The following GFPT2 variants were observed in gnomAD, a reference collection of about 807,000 sequenced individuals.
GFPT2 encodes the protein glutamine--fructose-6-phosphate transaminase 2.
A neutral mutation model predicts 85.6 loss-of-function variants in GFPT2; 62 were observed. That is an observed-to-expected ratio of 0.72 (90% CI 0.59 to 0.90). The LOEUF is 0.90. Ranked by LOEUF, GFPT2 falls within the 40% of genes least tolerant of loss-of-function variation. The pLI, the probability that GFPT2 is intolerant of heterozygous loss-of-function variation, is 0.00. For synonymous variants in GFPT2, 368 were observed against 344.5 expected (o/e 1.07, Z -0.75); for missense variants, 788 against 893.4 (o/e 0.88, Z 1.50).
intron 13 of GFPT2, among the ~76,000 whole-genome samples, chr5:180,314,602 G>T (rs1463491711): frequency 6.6e-6 from 1 of 152,202 alleles, no homozygotes; most frequent in Non-Finnish European, 1.5e-5. Context: ...GAGTCGGGAG[G>T]CTGTTCTGTT....
intron 1 of GFPT2, among the ~76,000 whole-genome samples, chr5:180,347,431 C>T (rs531556507): frequency 2.0e-5 from 3 of 152,070 alleles, no homozygotes; most frequent in Non-Finnish European, 4.4e-5. Context: ...AGGGCCCTAT[C>T]CTCAAAATTG....
chr5:180,306,953 T>C (rs2127646552), intron 16 of GFPT2, among the ~76,000 whole-genome samples: 1 of 152,314 alleles, frequency 6.6e-6, no homozygotes, highest in African/African-American at 2.4e-5. Context: ...CCTCAGTAGA[T>C]TGGGAGATCC....
chr5:180,327,800 C>T (rs944182164), intron 7 of GFPT2, among the ~76,000 whole-genome samples: 1 of 152,098 alleles, frequency 6.6e-6, no homozygotes, highest in Admixed American at 6.5e-5. Context: ...CTCTCTGAGC[C>T]GATTCCTGGC....
chr5:180,302,586 T>C lies in GFPT2; in HGVS notation c.1843-2A>G. The C allele has an allele frequency of 6.2e-7, 1 of 1,608,034 alleles. No homozygotes were observed. The highest frequency in any genetic ancestry group is 8.5e-7 in the Non-Finnish European group (1 of 1,175,416). On this transcript the variant is annotated splice_acceptor_variant, in intron 17 of 18. Coordinates refer to ENST00000253778, the MANE Select transcript of GFPT2 (RefSeq NM_005110.4). LOFTEE classifies it high-confidence loss of function. ...GGAGCACAGTATAATGGGGCGACCC[T>C]AGAGCAGAGAAATAGCATCATAAAA...
chr5:180,313,462 T>G (rs35987549), intron 14 of GFPT2, among the ~76,000 whole-genome samples: 1 of 144,496 alleles, frequency 6.9e-6, no homozygotes. Flanking sequence ...GTGGGGCGGG[T>G]GCCTGTAGTC....
At chr5:180,337,732 A>T (rs1280282214) in intron 2 of GFPT2, among the ~76,000 whole-genome samples, 1 of 152,030 alleles carries the variant, frequency 6.6e-6, no homozygotes, top group Non-Finnish European at 1.5e-5. Context: ...ATGAGCTTGG[A>T]GGCACGTGTG....
intron 10 of GFPT2, among the ~76,000 whole-genome samples, chr5:180,317,526 G>A (rs1332812859): frequency 2.8e-5 from 4 of 145,218 alleles, no homozygotes; most frequent in Non-Finnish European, 5.9e-5. Context: ...TTGGGAGGCC[G>A]AGGCGGGCGG....
Position 180,320,828 on chromosome 5 carries a change from C to T in GFPT2, c.795-1872G>A, listed in dbSNP as rs556269422. On this transcript the variant is annotated intron_variant, in intron 9 of 18. Transcript: ENST00000253778. ...ACACGTGACTGCCTGAAAATGAACA[C>T]TTAAACTCCTGGTGCAAAGGTAAAG... Among the ~76,000 whole-genome samples the T allele has an allele frequency of 2.0e-5, 3 of 152,292 alleles. No homozygotes were observed. In the East Asian group the frequency reaches 5.8e-4, roughly 29 times the overall value.
chr5:180,316,734 G>T, intron 12 of GFPT2, 30 bp downstream of exon 12: 1 of 1,500,910 alleles, frequency 6.7e-7, no homozygotes, highest in Non-Finnish European at 9.3e-7. Context: ...GACTGCCGTC[G>T]ACTTCCCCAC....
Position 180,317,021 on chromosome 5 carries a change from T to C in GFPT2, c.996A>G (p.Glu332=), listed in dbSNP as rs1318391172. The change falls in exon 11 of 19, where the codon GAA becomes GAG. Residue 332 remains glutamate (E), a synonymous_variant. Coordinates refer to ENST00000253778, the MANE Select transcript of GFPT2 (RefSeq NM_005110.4). ...FSAFMQKEIF[E]QPESVFNTMR... ...TAGTATTGAAAACTGATTCTGGCTG[T>C]TCGAAGATCTCCTTCTGCATAAACG... 1 of 1,611,872 alleles carries C rather than the reference T, an allele frequency of 6.2e-7. No individual in the cohort carries two copies. The highest frequency in any genetic ancestry group is 1.7e-5 in the Admixed American group (1 of 60,024).
chr5:180,307,529 C>T (rs1763805429), intron 15 of GFPT2, among the ~76,000 whole-genome samples: 1 of 152,122 alleles, frequency 6.6e-6, no homozygotes, highest in Admixed American at 6.5e-5. Flanking sequence ...TTCTTGAGCA[C>T]CAACAAGGTA....
At chr5:180,335,603 C>T (rs1433652911) in intron 4 of GFPT2, among the ~76,000 whole-genome samples, 1 of 152,254 alleles carries the variant, frequency 6.6e-6, no homozygotes, top group Non-Finnish European at 1.5e-5. Context: ...TTCCTGTGCA[C>T]TCCTGGGAGG....
chr5:180,340,944 G>A (rs1764503966), intron 1 of GFPT2, among the ~76,000 whole-genome samples: 1 of 152,160 alleles, frequency 6.6e-6, no homozygotes, highest in African/African-American at 2.4e-5. Context: ...TGAATGACGG[G>A]GGAACAAACT....
intron 2 of GFPT2, 79 bp downstream of exon 2, chr5:180,338,414 C>A (rs1009402171): frequency 1.9e-6 from 1 of 540,420 alleles, no homozygotes; most frequent in Non-Finnish European, 3.2e-6. Flanking sequence ...TGGTTGTAAA[C>A]CCCCCTGCAG....
At chr5:180,315,244 C>A (rs1325914898) in intron 13 of GFPT2, among the ~76,000 whole-genome samples, 6 of 151,446 alleles carry the variant, frequency 4.0e-5, no homozygotes, top group African/African-American at 1.5e-4. Context: ...GTGGCGCGAT[C>A]TCAGCTCACT....
intron 16 of GFPT2, among the ~76,000 whole-genome samples, chr5:180,306,482 G>A (rs775858379): frequency 6.6e-6 from 1 of 152,262 alleles, no homozygotes; most frequent in Non-Finnish European, 1.5e-5. Context: ...GCAGGACCCT[G>A]CACGGCTCTC....
At chr5:180,344,899 C>A (rs1413599840) in intron 1 of GFPT2, among the ~76,000 whole-genome samples, 1 of 152,210 alleles carries the variant, frequency 6.6e-6, no homozygotes, top group Non-Finnish European at 1.5e-5. Context: ...CATGCCCCAG[C>A]CTTAAAAACA....
At chr5:180,338,730 C>A in intron 1 of GFPT2, 130 bp from the exon 2 acceptor site, 1 of 596,886 alleles carries the variant, frequency 1.7e-6, no homozygotes, top group Non-Finnish European at 3.0e-6. Flanking sequence ...GGGTATGCCC[C>A]TCCCTGAGCA....
At position 180,316,947 on chromosome 5, in the gene GFPT2, C is replaced by T. The variant is rs779069864; in HGVS notation, c.1054+16G>A. On this transcript the variant is annotated intron_variant, in intron 11 of 18. Transcript: ENST00000253778. ...CTAGGCTCGGGCGGAGGCTCCCCAC[C>T]GAGTGTAGGAATTACCTGTGTTGGT... is the stretch of plus-strand genomic sequence containing the variant. The T allele has an allele frequency of 7.6e-6, 12 of 1,571,744 alleles. No individual in the cohort carries two copies. Among genetic ancestry groups the T allele is most frequent in the Admixed American group, 1.7e-5 (1 of 59,980 alleles).
Sources: allele counts gnomAD v4.1 joint callset (sites outside exome capture counted in the v4.1 genomes callset), GRCh38; gene constraint gnomAD v4.1.1; transcripts MANE v1.5; gene names NCBI Gene and HGNC (gene_info 2026-07-23, HGNC 2026-07-21).